The following KLHL26 variants were observed in gnomAD, a reference collection of about 807,000 sequenced individuals.
KLHL26 encodes kelch like family member 26.
Under a neutral mutation model 7.1 loss-of-function variants are expected in KLHL26, and 4 were observed. The observed-to-expected ratio is 0.56, with a 90% CI of 0.28 to 1.28. The LOEUF (loss-of-function observed/expected upper bound fraction) is 1.28. KLHL26 is among the 50% of genes most tolerant of loss of function. KLHL26 has a pLI of 0.11. For missense variants in KLHL26, 896 were observed against 924.6 expected (o/e 0.97, Z 0.40); for synonymous variants, 465 against 414.1 (o/e 1.12, Z -1.49).
intron 1 of KLHL26, among the ~76,000 whole-genome samples, chr19:18,652,056 C>T (rs935317975): frequency 6.6e-6 from 1 of 152,168 alleles, no homozygotes; most frequent in African/African-American, 2.4e-5. Context: ...GGGGTGGAGG[C>T]AGCAGAGGTG....
At position 18,668,665 on chromosome 19, in the gene KLHL26, G is replaced by T; in HGVS notation, c.1268G>T (p.Arg423Leu). The change falls in exon 3 of 3, where the codon CGA (arginine) becomes CTA (leucine). Residue 423 changes from arginine (R) to leucine (L), a missense_variant. Physicochemically the swap from Arg to Leu is moderately radical, Grantham distance 102 (BLOSUM62 -2). Coordinates refer to ENST00000300976, the MANE Select transcript of KLHL26 (RefSeq NM_018316.3). ...GMVYATGGRN[R>L]AGSLASVERY... ...GTGTACGCCACGGGCGGCCGCAACC[G>T]AGCCGGCAGCCTGGCCTCCGTGGAG... 1.3e-6 allele frequency: 2 copies of T among 1,570,206 alleles called. No individual in the cohort carries two copies. The highest frequency in any genetic ancestry group is 1.3e-5 in the African/African-American group (1 of 74,278).
rs2052238702 is a variant in KLHL26 at position 18,650,441 on chromosome 19, A to AAAAACT, written c.83+13305_83+13310dup. ...ATCAGCCTGAGTCATCCTCTATCTG[A>AAAAACT]AAAACTTCCAGGACTGAAGTTCGAG... is the stretch of plus-strand genomic sequence containing the variant. On this transcript the variant is annotated intron_variant, in intron 1 of 2. Coordinates refer to ENST00000300976, the MANE Select transcript of KLHL26 (RefSeq NM_018316.3). This position sits in a 1 kb window ranked among gnomAD's most constrained non-coding sequence, Gnocchi z 4.2. 6.6e-6 allele frequency among the ~76,000 whole-genome samples: 1 copy of AAAAACT among 152,006 alleles called. No homozygotes were observed. The highest frequency in any genetic ancestry group is 1.5e-5 in the Non-Finnish European group (1 of 67,996).
rs146270266 is a variant in KLHL26 at position 18,646,773 on chromosome 19, G to C, written c.83+9636G>C. On this transcript the variant is annotated intron_variant, in intron 1 of 2. Transcript: ENST00000300976. This position sits in a 1 kb window ranked among gnomAD's most constrained non-coding sequence, Gnocchi z 5.0. The stretch of plus-strand genomic sequence containing the variant: ...GTCAATGCCAGCAAGCCTTGATGTG[G>C]CGTGCGTGTGTCAGGCAGGGAAAGG... Among the ~76,000 whole-genome samples the C allele has an allele frequency of 4.5e-4, 68 of 152,370 alleles. No individual in the cohort carries two copies. Among genetic ancestry groups the C allele is most frequent in the African/African-American group, 1.4e-3 (60 of 41,590 alleles).
chr19:18,639,298 A>G (rs1976671063), intron 1 of KLHL26, among the ~76,000 whole-genome samples: 1 of 151,258 alleles, frequency 6.6e-6, no homozygotes, highest in African/African-American at 2.4e-5. Flanking sequence ...CAGGTCTGGC[A>G]TTCCTGAGCT....
Position 18,667,792 on chromosome 19 carries a change from G to A in KLHL26, c.395G>A (p.Cys132Tyr). 1.9e-6 allele frequency: 3 copies of A among 1,613,420 alleles called. No homozygotes were observed. Among genetic ancestry groups the A allele is most frequent in the Non-Finnish European group, 2.5e-6 (3 of 1,179,990 alleles). Residue 132 changes from cysteine (C) to tyrosine (Y), a missense_variant, in exon 3 of 3, where the codon TGC becomes TAC. Coordinates refer to ENST00000300976, the MANE Select transcript of KLHL26 (RefSeq NM_018316.3). ...YSAEVTLDLD[C>Y]VQDVLGAAVF... ...GCCGAGGTGACACTGGACCTGGACT[G>A]CGTGCAGGACGTGCTGGGCGCGGCC... is the stretch of plus-strand genomic sequence containing the variant.
chr19:18,647,636 AGAG>A (rs1600687823), intron 1 of KLHL26, among the ~76,000 whole-genome samples: 2 of 151,046 alleles, frequency 1.3e-5, no homozygotes, highest in African/African-American at 2.4e-5. Context: ...GAGGAGGAAG[AGAG>A]GAGGAGGAGG....
rs775628705 is a variant in KLHL26, at chr19:18,669,066, C to T, written c.1669C>T (p.Leu557=). The change falls in exon 3 of 3, where the codon CTG becomes TTG. Residue 557 remains leucine (L), a synonymous_variant. Coordinates refer to ENST00000300976, the MANE Select transcript of KLHL26 (RefSeq NM_018316.3). ...CCAGTCAGAGGCCGGCTGCTGCCTG[C>T]TGGAGAGGAAGATCTACATCGTCGG... ...AGQSEAGCCL[L]ERKIYIVGGY... 2 of 1,612,874 alleles carry T rather than the reference C, an allele frequency of 1.2e-6. No homozygotes were observed. The highest frequency in any genetic ancestry group is 2.2e-5 in the East Asian group (1 of 44,878).
In KLHL26 at chr19:18,669,559, AG is replaced by A; in HGVS notation, c.*319del. The stretch of plus-strand genomic sequence containing the variant: ...CTGGCGGGTGGAATCCCAGGTCTCC[AG>A]GGGGTCCCTGTGCAGCTCCATCTCA... On this transcript the variant is annotated 3_prime_UTR_variant, in exon 3 of 3. Transcript: ENST00000300976. 1 of 558,094 alleles carries A rather than the reference AG, an allele frequency of 1.8e-6. No individual in the cohort carries two copies. Among genetic ancestry groups the A allele is most frequent in the Non-Finnish European group, 3.2e-6 (1 of 316,954 alleles). 34.6% of individuals were successfully genotyped at this position (558,094 alleles called of 1,614,324 possible).
chr19:18,647,861 T>G (rs558482173), intron 1 of KLHL26, among the ~76,000 whole-genome samples: 1 of 152,364 alleles, frequency 6.6e-6, no homozygotes, highest in East Asian at 1.9e-4. Flanking sequence ...GACACATTTC[T>G]CTGCCTTTGT....
chr19:18,660,453 T>G (rs115375251), intron 1 of KLHL26, among the ~76,000 whole-genome samples: 1,799 of 152,320 alleles, frequency 0.012, 46 homozygotes, highest in African/African-American at 0.04. Flanking sequence ...TGACCGTCAC[T>G]CGAGTGGCCG....
At chr19:18,665,204 A>G (rs1276534658) in intron 2 of KLHL26, among the ~76,000 whole-genome samples, 2 of 151,550 alleles carry the variant, frequency 1.3e-5, no homozygotes, top group African/African-American at 4.8e-5. Context: ...CTACAGGCGC[A>G]TGCCACCACA....
In KLHL26 at chr19:18,648,955, C is replaced by A. The variant is rs1253383726; in HGVS notation, c.83+11818C>A. On this transcript the variant is annotated intron_variant, in intron 1 of 2. Transcript: ENST00000300976. The surrounding 1 kb of genome is among the most constrained non-coding windows in gnomAD (Gnocchi z 4.9). The stretch of plus-strand genomic sequence containing the variant: ...GGAATCAGACCACCTCACTCCCCTG[C>A]CGGCCACCTGCCAGTGGCTCCCTCA... Among the ~76,000 whole-genome samples the A allele has an allele frequency of 6.6e-6, 1 of 152,236 alleles. No individual in the cohort carries two copies. The highest frequency in any genetic ancestry group is 6.5e-5 in the Admixed American group (1 of 15,284).
intron 1 of KLHL26, among the ~76,000 whole-genome samples, chr19:18,654,937 C>T (rs1189633414): frequency 2.6e-5 from 4 of 152,240 alleles, no homozygotes; most frequent in Non-Finnish European, 4.4e-5. Flanking sequence ...TTAGGCATGG[C>T]GGTGAGCACC....
Position 18,669,005 on chromosome 19 carries a change from G to A in KLHL26, c.1608G>A (p.Thr536=), listed in dbSNP as rs749060632. The change falls in exon 3 of 3, where the codon ACG becomes ACA. Residue 536 remains threonine (T), a synonymous_variant. Transcript: ENST00000300976. ...CTGTGGAGTACTATGTGCCGGAGAC[G>A]GACCAGTGGACCAGCGTGAGCCCCA... is the stretch of plus-strand genomic sequence containing the variant. The part of the protein sequence containing the change: ...VLAVEYYVPE[T]DQWTSVSPMR... The A allele has an allele frequency of 1.9e-6, 3 of 1,612,676 alleles. No individual in the cohort carries two copies. Among genetic ancestry groups the A allele is most frequent in the East Asian group, 4.5e-5 (2 of 44,878 alleles).
At chr19:18,664,517 T>A (rs1278398666) in intron 2 of KLHL26, 74 bp downstream of exon 2, 2 of 1,232,376 alleles carry the variant, frequency 1.6e-6, no homozygotes, top group Non-Finnish European at 2.2e-6. Context: ...GGCACCCACT[T>A]TCTAAAGGGG....
At chr19:18,663,254 G>A (rs1032041275) in intron 1 of KLHL26, among the ~76,000 whole-genome samples, 2 of 152,202 alleles carry the variant, frequency 1.3e-5, no homozygotes, top group Non-Finnish European at 2.9e-5. Context: ...GCTGTGGTCA[G>A]CGCCTGGCCC....
At chr19:18,644,514 G>T (rs372659295) in intron 1 of KLHL26, 19 of 152,338 alleles carry the variant, frequency 1.2e-4, no homozygotes, top group African/African-American at 4.1e-4. Flanking sequence ...GTGCCTTGAG[G>T]TTGGAAAGCC....
chr19:18,665,214 A>G (rs1437544172), intron 2 of KLHL26, among the ~76,000 whole-genome samples: 5 of 150,916 alleles, frequency 3.3e-5, no homozygotes, highest in Admixed American at 2.6e-4. Context: ...ATGCCACCAC[A>G]CCTGGCTAAT....
In KLHL26 at chr19:18,669,170, C is replaced by T; in HGVS notation, c.1773C>T (p.Asp591=). Residue 591 remains aspartate (D), a synonymous_variant, in exon 3 of 3, where the codon GAC becomes GAT. Transcript: ENST00000300976. ...YNTDTDEWER[D]LHFPESFAGI... Reference sequence around the variant, plus strand: ...CGGACACCGACGAGTGGGAGCGGGACCTGCACTTCCCGGAGTCCTTCGCAG... The same window carrying T: ...CGGACACCGACGAGTGGGAGCGGGATCTGCACTTCCCGGAGTCCTTCGCAG... 4 of 1,612,810 alleles carry T rather than the reference C, an allele frequency of 2.5e-6. No homozygotes were observed. The highest frequency in any genetic ancestry group is 3.4e-6 in the Non-Finnish European group (4 of 1,179,972).
Sources: gnomAD v4.1 joint callset for allele counts (sites outside exome capture counted in the v4.1 genomes callset) on GRCh38, gnomAD v4.1.1 for gene constraint, Gnocchi (gnomAD v3.1) non-coding constraint, MANE v1.5 for transcripts, NCBI Gene and HGNC (gene_info 2026-07-23, HGNC 2026-07-21) for gene names.